The following DDX10 variants were observed in gnomAD, a reference collection of about 807,000 sequenced individuals.
The protein encoded by DDX10 is DEAD-box helicase 10, also known as probable ATP-dependent RNA helicase DDX10.
DDX10 carries 74 observed loss-of-function variants against 104.3 expected under a neutral mutation model. The ratio of observed to expected loss-of-function variants is 0.71; its 90% CI spans 0.59 to 0.86. DDX10 has a LOEUF of 0.86. Among genes scored for constraint, DDX10 ranks in the 40% least tolerant of loss-of-function variants. The probability of loss-of-function intolerance (pLI) is 0.00; values close to 1 mark genes in which losing one functional copy is unlikely to be tolerated. For missense variants in DDX10, 952 were observed against 1,040.0 expected (o/e 0.92, Z 1.16); for synonymous variants, 351 against 353.4 (o/e 0.99, Z 0.08).
At chr11:108,778,741 A>T (rs1292236376) in intron 13 of DDX10, among the ~76,000 whole-genome samples, 2 of 152,234 alleles carry the variant, frequency 1.3e-5, no homozygotes, top group East Asian at 1.9e-4. Context: ...ATAAACTACC[A>T]TCAGAGTGAA....
At chr11:108,931,104 C>T (rs1863970923) in intron 17 of DDX10, among the ~76,000 whole-genome samples, 6 of 152,114 alleles carry the variant, frequency 3.9e-5, no homozygotes, top group Admixed American at 3.3e-4. Flanking sequence ...GCCATGATAG[C>T]ACCCTGTACT....
At chr11:108,785,330 G>A (rs924056320) in intron 13 of DDX10, among the ~76,000 whole-genome samples, 2 of 152,098 alleles carry the variant, frequency 1.3e-5, no homozygotes, top group South Asian at 2.1e-4. Flanking sequence ...TGGTTTGCTG[G>A]TATTTCGTTG....
chr11:108,785,372 T>C (rs1167686984), intron 13 of DDX10, among the ~76,000 whole-genome samples: 1 of 152,030 alleles, frequency 6.6e-6, no homozygotes, highest in East Asian at 1.9e-4. Context: ...ATGAGAAATA[T>C]TGGCCCGAAG....
At chr11:108,820,901 A>C (rs1011371917) in intron 13 of DDX10, among the ~76,000 whole-genome samples, 1 of 152,238 alleles carries the variant, frequency 6.6e-6, no homozygotes, top group Non-Finnish European at 1.5e-5. Flanking sequence ...TATGCTATTT[A>C]AGCAAACTGA....
At chr11:108,689,622 C>T (rs1430818379) in intron 7 of DDX10, among the ~76,000 whole-genome samples, 2 of 152,196 alleles carry the variant, frequency 1.3e-5, no homozygotes, top group Non-Finnish European at 2.9e-5. Flanking sequence ...ACTTCTTGAA[C>T]ACTAGCCCTG....
At chr11:108,790,069 G>T (rs1861849751) in intron 13 of DDX10, among the ~76,000 whole-genome samples, 1 of 151,962 alleles carries the variant, frequency 6.6e-6, no homozygotes, top group Admixed American at 6.6e-5. Context: ...GCCACTCAGG[G>T]GTTTATAAAT....
chr11:108,908,858 C>T (rs1290661811), intron 16 of DDX10, among the ~76,000 whole-genome samples: 3 of 152,218 alleles, frequency 2.0e-5, no homozygotes, highest in Admixed American at 6.5e-5. Flanking sequence ...ATTTCACCTG[C>T]ACAGTCGTCC....
intron 13 of DDX10, among the ~76,000 whole-genome samples, chr11:108,736,322 G>A (rs2134490105): frequency 6.6e-6 from 1 of 152,140 alleles, no homozygotes; most frequent in African/African-American, 2.4e-5. Flanking sequence ...ATGTGTGAGT[G>A]TGTGTATTCG....
chr11:108,709,955 G>A (rs1315004336), intron 10 of DDX10, among the ~76,000 whole-genome samples: 1 of 152,070 alleles, frequency 6.6e-6, no homozygotes, highest in Non-Finnish European at 1.5e-5. Context: ...TAGGCTATAT[G>A]GTATAGCCTA....
intron 16 of DDX10, among the ~76,000 whole-genome samples, chr11:108,871,508 A>T (rs371857771): frequency 1.3e-5 from 2 of 152,186 alleles, no homozygotes; most frequent in East Asian, 1.9e-4. Context: ...GTGAGAAAAG[A>T]AAGAAATATC....
chr11:108,861,313 C>T (rs1387650609), intron 16 of DDX10, among the ~76,000 whole-genome samples: 1 of 152,066 alleles, frequency 6.6e-6, no homozygotes, highest in Non-Finnish European at 1.5e-5. Flanking sequence ...TAAAGTCTCA[C>T]ATTTGCTGTT....
chr11:108,682,887 T>C (rs1437196771), intron 6 of DDX10, among the ~76,000 whole-genome samples: 2 of 152,210 alleles, frequency 1.3e-5, no homozygotes, highest in East Asian at 1.9e-4. Flanking sequence ...AGTTTTTTTT[T>C]CCTCTTCAAA....
chr11:108,669,383 A>T (rs2094214146), intron 1 of DDX10, among the ~76,000 whole-genome samples: 1 of 152,174 alleles, frequency 6.6e-6, no homozygotes, highest in Non-Finnish European at 1.5e-5. Flanking sequence ...GGTGTGAGCC[A>T]CTGTGCCTGG....
intron 13 of DDX10, among the ~76,000 whole-genome samples, chr11:108,801,043 C>G (rs992037186): frequency 6.6e-6 from 1 of 152,112 alleles, no homozygotes; most frequent in East Asian, 1.9e-4. Context: ...GATACAATTG[C>G]CTCATTCTCA....
rs568446379 is a variant in DDX10 at position 108,859,585 on chromosome 11, A to G, written c.2304+7376A>G. Among the ~76,000 whole-genome samples the G allele has an allele frequency of 2.3e-4, 35 of 152,370 alleles. No individual in the cohort carries two copies. The Middle Eastern group carries it at 0.014, about 59-fold the overall frequency. Reference sequence around the variant, plus strand: ...CAATGAAACAGCCTAAACAGTAAATAAATCCAGGTGATGCCCTTTATACTT... The same window carrying G: ...CAATGAAACAGCCTAAACAGTAAATGAATCCAGGTGATGCCCTTTATACTT... On this transcript the variant is annotated intron_variant, in intron 16 of 17. Coordinates refer to ENST00000322536, the MANE Select transcript of DDX10 (RefSeq NM_004398.4).
At chr11:108,917,564 G>A (rs867279091) in intron 16 of DDX10, among the ~76,000 whole-genome samples, 4 of 152,020 alleles carry the variant, frequency 2.6e-5, no homozygotes, top group Admixed American at 6.5e-5. Flanking sequence ...ACAGCACCTG[G>A]CTTTTATTTC....
At chr11:108,893,664 T>C (rs1863404624) in intron 16 of DDX10, among the ~76,000 whole-genome samples, 1 of 152,006 alleles carries the variant, frequency 6.6e-6, no homozygotes, top group Non-Finnish European at 1.5e-5. Flanking sequence ...CCAGAGATTG[T>C]AGTCTCAAAT....
intron 15 of DDX10, among the ~76,000 whole-genome samples, chr11:108,848,165 G>A (rs1862743201): frequency 6.6e-6 from 1 of 152,154 alleles, no homozygotes; most frequent in African/African-American, 2.4e-5. Flanking sequence ...TAAATTAAAT[G>A]TTGTGGTTAG....
At chr11:108,821,812 C>A (rs1280516111) in intron 13 of DDX10, among the ~76,000 whole-genome samples, 2 of 152,008 alleles carry the variant, frequency 1.3e-5, no homozygotes, top group African/African-American at 4.8e-5. Flanking sequence ...GTAAAAGGAA[C>A]CATTTTAGAT....
Sources: gnomAD v4.1 joint callset for allele counts (sites outside exome capture counted in the v4.1 genomes callset) on GRCh38, gnomAD v4.1.1 for gene constraint, MANE v1.5 for transcripts, NCBI Gene and HGNC (gene_info 2026-07-23, HGNC 2026-07-21) for gene names.